ATAD2: variants seen among roughly 807,000 people sequenced by gnomAD.
ATAD2 encodes ATPase family AAA domain-containing protein 2.
Under a neutral mutation model 168.9 loss-of-function variants are expected in ATAD2, and 62 were observed. The ratio of observed to expected loss-of-function variants is 0.37; its 90% confidence interval spans 0.30 to 0.45. The LOEUF is 0.45. Ranked by LOEUF, ATAD2 falls within the 20% of genes least tolerant of loss-of-function variation. The probability of loss-of-function intolerance (pLI) is 1.00; values close to 1 mark genes in which losing one functional copy is unlikely to be tolerated. For missense variants in ATAD2, 1,419 were observed against 1,667.8 expected, an observed-to-expected ratio of 0.85 and a Z score of 2.60; for synonymous variants, 613 against 571.6, an observed-to-expected ratio of 1.07 and a Z score of -1.03.
chr8:123,345,525 A>C (rs1418129744), intron 18 of ATAD2, among the ~76,000 whole-genome samples: 1 of 151,204 alleles, frequency 6.6e-6, no homozygotes, highest in Admixed American at 6.6e-5. Flanking sequence ...AAAAAAAAAA[A>C]AATTAGCTGG....
At chr8:123,391,377 G>C (rs939910291) in intron 1 of ATAD2, among the ~76,000 whole-genome samples, 5 of 146,628 alleles carry the variant, frequency 3.4e-5, no homozygotes, top group Admixed American at 7.0e-5. Context: ...AGCTGAATGA[G>C]AACATATTCA....
intron 1 of ATAD2, among the ~76,000 whole-genome samples, chr8:123,412,130 G>A (rs1158719139): frequency 1.3e-5 from 2 of 152,124 alleles, no homozygotes; most frequent in Non-Finnish European, 2.9e-5. Context: ...TCAGCCACGC[G>A]AACTAGGGCA....
intron 24 of ATAD2, among the ~76,000 whole-genome samples, chr8:123,332,183 G>A (rs1490081596): frequency 6.6e-6 from 1 of 152,004 alleles, no homozygotes; most frequent in Non-Finnish European, 1.5e-5. Context: ...GATTCAATCT[G>A]CAAGTTTTTT....
intron 2 of ATAD2, among the ~76,000 whole-genome samples, chr8:123,378,806 A>G (rs1401520886): frequency 6.6e-6 from 1 of 151,764 alleles, no homozygotes; most frequent in Non-Finnish European, 1.5e-5. Context: ...AAGTAATGTA[A>G]AAACGATTCT....
intron 13 of ATAD2, among the ~76,000 whole-genome samples, chr8:123,355,862 A>C (rs1828625438): frequency 6.6e-6 from 1 of 152,160 alleles, no homozygotes; most frequent in South Asian, 2.1e-4. Flanking sequence ...TCATGAGTTA[A>C]ATCTTCTGTA....
At chr8:123,334,624 G>A (rs1216288997) in intron 22 of ATAD2, among the ~76,000 whole-genome samples, 4 of 151,914 alleles carry the variant, frequency 2.6e-5, no homozygotes, top group African/African-American at 7.3e-5. Context: ...ACATGATAAC[G>A]AAAAATAAAA....
intron 3 of ATAD2, 109 bp downstream of exon 3, chr8:123,372,528 A>G (rs1829178923): frequency 1.2e-6 from 1 of 827,146 alleles, no homozygotes; most frequent in Admixed American, 2.8e-5. Context: ...AAAACCTAAC[A>G]AATTATACAC....
chr8:123,361,768 G>C (rs569339851), intron 8 of ATAD2, 122 bp from the exon 9 acceptor site: 2 of 651,314 alleles, frequency 3.1e-6, no homozygotes, highest in Non-Finnish European at 5.2e-6. Flanking sequence ...TACATCTGCT[G>C]ACCCACTGAC....
chr8:123,368,307 A>C (rs902154067), intron 8 of ATAD2, among the ~76,000 whole-genome samples: 1 of 152,156 alleles, frequency 6.6e-6, no homozygotes, highest in Non-Finnish European at 1.5e-5. Flanking sequence ...AGTCCCAGCT[A>C]CTTGGGAGGC....
chr8:123,347,231 T>C lies in ATAD2; in HGVS notation c.2073A>G (p.Gln691=), dbSNP rs905639791. The C allele has an allele frequency of 6.2e-7, 1 of 1,614,178 alleles. No homozygotes were observed. The highest frequency in any genetic ancestry group is 8.5e-7 in the Non-Finnish European group (1 of 1,180,046). The part of the protein sequence containing the change: ...VAMQKMIPAS[Q]RAVTSPGQAL... Reference sequence around the variant, plus strand: ...CCTGCCCAGGTGATGTCACAGCTCTTTGGGAGGCTGGTATCATCTTTTGCA... The same window carrying C: ...CCTGCCCAGGTGATGTCACAGCTCTCTGGGAGGCTGGTATCATCTTTTGCA... Residue 691 remains glutamine, a synonymous_variant, in exon 16 of 28, where the codon CAA becomes CAG. Coordinates refer to ENST00000287394, the MANE Select transcript of ATAD2 (RefSeq NM_014109.4).
chr8:123,401,871 A>C (rs1813008005), intron 1 of ATAD2: 2 of 763,790 alleles, frequency 2.6e-6, no homozygotes, highest in Non-Finnish European at 4.8e-6. Flanking sequence ...GAGGAGGATA[A>C]GGTGAAGATC....
Position 123,361,526 on chromosome 8 carries a change from A to G in ATAD2, c.1157+13T>C, listed in dbSNP as rs890139970. 4 of 1,599,944 alleles carry G rather than the reference A, an allele frequency of 2.5e-6. No individual in the cohort carries two copies. The highest frequency in any genetic ancestry group is 3.3e-4 in the Middle Eastern group (2 of 6,016). Reference sequence around the variant, plus strand: ...TGTCTGCTAGTTTAAAAAGGCATCAATATGGCACTTACCTATTGATAGCCC... The same window carrying G: ...TGTCTGCTAGTTTAAAAAGGCATCAGTATGGCACTTACCTATTGATAGCCC... On this transcript the variant is annotated intron_variant, in intron 9 of 27. Transcript: ENST00000287394.
intron 26 of ATAD2, among the ~76,000 whole-genome samples, chr8:123,323,466 G>A (rs1338569372): frequency 6.6e-6 from 1 of 152,080 alleles, no homozygotes; most frequent in Non-Finnish European, 1.5e-5. Context: ...TACATAAATG[G>A]TGAACTACCT....
intron 8 of ATAD2, among the ~76,000 whole-genome samples, chr8:123,368,200 T>C (rs1232695580): frequency 1.3e-5 from 2 of 152,130 alleles, no homozygotes; most frequent in African/African-American, 4.8e-5. Flanking sequence ...AGTGGATCAC[T>C]TGAGGTCAAG....
At chr8:123,378,510 T>C (rs1829389733) in intron 2 of ATAD2, among the ~76,000 whole-genome samples, 1 of 152,030 alleles carries the variant, frequency 6.6e-6, no homozygotes, top group South Asian at 2.1e-4. Flanking sequence ...GAGACCAGCC[T>C]GGCCAACATG....
intron 1 of ATAD2, among the ~76,000 whole-genome samples, chr8:123,381,436 G>A (rs1829490627): frequency 6.6e-6 from 1 of 152,154 alleles, no homozygotes; most frequent in Non-Finnish European, 1.5e-5. Context: ...GGGAGGTGGA[G>A]GTTGCAGTGA....
intron 10 of ATAD2, 87 bp from the exon 11 acceptor site, chr8:123,359,423 T>C (rs1288057715): frequency 1.6e-6 from 2 of 1,225,184 alleles, no homozygotes; most frequent in East Asian, 2.3e-5. Context: ...AATGAAGTAA[T>C]AATATCTTAA....
chr8:123,411,902 T>G (rs1813165466), intron 1 of ATAD2, among the ~76,000 whole-genome samples: 1 of 152,234 alleles, frequency 6.6e-6, no homozygotes. Context: ...CCCTTCTTGC[T>G]TGAGACACTC....
chr8:123,339,337 T>A lies in ATAD2; in HGVS notation c.2828A>T (p.Lys943Met). Residue 943 changes from lysine to methionine, a missense_variant, in exon 20 of 28, where the codon AAG (lysine) becomes ATG (methionine). Around this residue, in one of 5 missense-constraint regions of ATAD2, gnomAD observed 545 missense variants for 724.9 expected, o/e 0.75. Coordinates refer to ENST00000287394, the MANE Select transcript of ATAD2 (RefSeq NM_014109.4). The part of the protein sequence containing the change: ...FEDLILKQAA[K>M]PPISKKKAVL... The stretch of plus-strand genomic sequence containing the variant: ...TGCTTTCTTTTTTGATATAGGAGGC[T>A]TAGCAGCTTGTTTTAGAATTAAATC... 6.3e-7 allele frequency: 1 copy of A among 1,592,996 alleles called. No homozygotes were observed. Among genetic ancestry groups the A allele is most frequent in the Non-Finnish European group, 8.6e-7 (1 of 1,166,902 alleles).
Sources: allele counts gnomAD v4.1 joint callset (sites outside exome capture counted in the v4.1 genomes callset), GRCh38; gene constraint gnomAD v4.1.1; regional missense constraint gnomAD v4.1.1; transcripts MANE v1.5; gene names NCBI Gene and HGNC (gene_info 2026-07-23, HGNC 2026-07-21).